Variants in TFEB observed in about 807,000 individuals in gnomAD.
The protein encoded by TFEB is transcription factor EB.
In TFEB, 12 loss-of-function variants were observed where a neutral mutation model predicts 48.0. That is an observed-to-expected ratio of 0.25 (90% CI 0.16 to 0.40). The LOEUF is 0.40. Ranked by LOEUF, TFEB falls within the 10% of genes least tolerant of loss-of-function variation. TFEB has a pLI of 1.00. For missense variants in TFEB, 509 were observed against 640.3 expected, an observed-to-expected ratio of 0.79 and a Z score of 2.21; for synonymous variants, 244 against 261.4, an observed-to-expected ratio of 0.93 and a Z score of 0.64.
At chr6:41,689,604 T>C in intron 4 of TFEB, 127 bp downstream of exon 4, 1 of 683,614 alleles carries the variant, frequency 1.5e-6, no homozygotes, top group South Asian at 1.8e-5. Flanking sequence ...AAATGACTCA[T>C]CTCTACAGAA....
At chr6:41,711,593 A>T (rs1770477234) in intron 1 of TFEB, among the ~76,000 whole-genome samples, 1 of 152,102 alleles carries the variant, frequency 6.6e-6, no homozygotes, top group Admixed American at 6.5e-5. Context: ...CTTTGCTAAG[A>T]GCGCTGAGGT....
In TFEB at chr6:41,734,370, C is replaced by A. The variant is rs1771581614; in HGVS notation, c.-23+980G>T. 3 of 984,766 alleles carry A rather than the reference C, an allele frequency of 3.0e-6. No individual in the cohort carries two copies. Among genetic ancestry groups the A allele is most frequent in the Admixed American group, 6.2e-5 (1 of 16,232 alleles). The allele number at this position is 984,766 out of a possible 1,614,324, so 61.0% of individuals were successfully genotyped here. On this transcript the variant is annotated intron_variant, in intron 1 of 8. Coordinates refer to ENST00000373033, the MANE Select transcript of TFEB (RefSeq NM_001271944.2). This position sits in a 1 kb window ranked among gnomAD's most constrained non-coding sequence, Gnocchi z 4.0. The stretch of plus-strand genomic sequence containing the variant: ...TGCGGCGCGAACCTGCTCGCGCAGC[C>A]CGGAGCAGCTCGGGGCAGCCGTGCG...
chr6:41,689,460 G>T (rs1180524758), intron 4 of TFEB, among the ~76,000 whole-genome samples: 1 of 152,122 alleles, frequency 6.6e-6, no homozygotes, highest in Non-Finnish European at 1.5e-5. Flanking sequence ...AACCTGGAAA[G>T]CTCCCCCCAC....
At chr6:41,731,387 A>G (rs747803625) in intron 1 of TFEB, among the ~76,000 whole-genome samples, 1 of 151,942 alleles carries the variant, frequency 6.6e-6, no homozygotes, top group Non-Finnish European at 1.5e-5. Flanking sequence ...CCCAAGAAAA[A>G]CTTCCTGGTT....
At chr6:41,729,433 G>C in intron 1 of TFEB, among the ~76,000 whole-genome samples, 1 of 152,200 alleles carries the variant, frequency 6.6e-6, no homozygotes, top group South Asian at 2.1e-4. Flanking sequence ...TCAAATACTT[G>C]CCCTCCATAG....
At position 41,690,800 on chromosome 6, in the gene TFEB, C is replaced by T. The variant is rs770182531; in HGVS notation, c.331G>A (p.Ala111Thr). ...GNKFAAHISP[A>T]QGSPKPPPAA... ...GGTGGGGGTTTCGGAGAGCCCTGGG[C>T]TGGGCTGATGTGGGCAGCAAACTTG... Residue 111 changes from alanine (A) to threonine (T), a missense_variant, in exon 3 of 9, where the codon GCC becomes ACC. Ala to Thr is a moderately conservative substitution (Grantham distance 58, BLOSUM62 0). Around this residue, in one of 4 missense-constraint regions of TFEB, gnomAD observed 251 missense variants for 317.2 expected, o/e 0.79. Coordinates refer to ENST00000373033, the MANE Select transcript of TFEB (RefSeq NM_001271944.2). The T allele has an allele frequency of 3.3e-5, 53 of 1,612,950 alleles. No homozygotes were observed. The highest frequency in any genetic ancestry group is 4.3e-5 in the Non-Finnish European group (51 of 1,179,568).
chr6:41,710,316 T>G (rs1442253106), intron 1 of TFEB, among the ~76,000 whole-genome samples: 7 of 152,118 alleles, frequency 4.6e-5, no homozygotes. Context: ...TACCCATCTC[T>G]CAGCAAGTCC....
intron 1 of TFEB, among the ~76,000 whole-genome samples, chr6:41,712,604 G>A (rs936027925): frequency 2.0e-5 from 3 of 152,144 alleles, no homozygotes; most frequent in African/African-American, 7.2e-5. Context: ...TTAATCACTA[G>A]TCCTCCCTCT....
chr6:41,735,574 C>G lies in TFEB; in HGVS notation c.-247G>C, dbSNP rs944307984. On this transcript the variant is annotated 5_prime_UTR_variant, in exon 1 of 9. Transcript: ENST00000373033. ...CGCCGCCTCCGCTGTCACCGAGCCC[C>G]GCGCCCGGCGCCCGGGCTCCGGCTG... 1 of 984,406 alleles carries G rather than the reference C, an allele frequency of 1.0e-6. No homozygotes were observed. The allele number at this position is 984,406 out of a possible 1,614,324, so 61.0% of individuals were successfully genotyped here.
chr6:41,700,509 C>T (rs1769858775), intron 1 of TFEB, among the ~76,000 whole-genome samples: 1 of 150,868 alleles, frequency 6.6e-6, no homozygotes, highest in East Asian at 2.0e-4. Flanking sequence ...GAATGAATTA[C>T]ATGAGGAAGC....
intron 1 of TFEB, among the ~76,000 whole-genome samples, chr6:41,697,234 CCTGT>C (rs1769636322): frequency 6.6e-6 from 1 of 151,630 alleles, no homozygotes; most frequent in South Asian, 2.1e-4. Flanking sequence ...ACGGTGAAAC[CCTGT>C]CTCTACTAAA....
At chr6:41,728,242 C>T (rs1253556031) in intron 1 of TFEB, among the ~76,000 whole-genome samples, 1 of 152,232 alleles carries the variant, frequency 6.6e-6, no homozygotes, top group Non-Finnish European at 1.5e-5. Flanking sequence ...TTCCCACCCG[C>T]CCTGCTTGGC....
chr6:41,733,646 G>T (rs550486494), intron 1 of TFEB: 3 of 985,422 alleles, frequency 3.0e-6, no homozygotes, highest in Non-Finnish European at 3.6e-6. Context: ...TGGGGTCACC[G>T]GCATGGTGAA....
chr6:41,715,462 G>A (rs1021717239), intron 1 of TFEB, among the ~76,000 whole-genome samples: 2 of 152,170 alleles, frequency 1.3e-5, no homozygotes, highest in African/African-American at 2.4e-5. Flanking sequence ...CTGAGGTCGG[G>A]AGTTCGAGAC....
intron 1 of TFEB, among the ~76,000 whole-genome samples, chr6:41,699,372 A>G (rs1222091246): frequency 6.6e-6 from 1 of 152,212 alleles, no homozygotes; most frequent in Non-Finnish European, 1.5e-5. Flanking sequence ...TCACACATAC[A>G]CACATACACA....
chr6:41,710,333 A>C (rs369916000), intron 1 of TFEB, among the ~76,000 whole-genome samples: 10 of 152,066 alleles, frequency 6.6e-5, no homozygotes, highest in African/African-American at 2.2e-4. Context: ...GTCCAACTCC[A>C]CCCAACTCCT....
At chr6:41,707,277 A>T (rs755807653) in intron 1 of TFEB, among the ~76,000 whole-genome samples, 1 of 152,112 alleles carries the variant, frequency 6.6e-6, no homozygotes, top group Non-Finnish European at 1.5e-5. Context: ...GAGTGGGGAG[A>T]TGATAGACTC....
rs1290401771 is a variant in TFEB at position 41,734,719 on chromosome 6, G to A, written c.-23+631C>T. On this transcript the variant is annotated intron_variant, in intron 1 of 8. Transcript: ENST00000373033. The surrounding 1 kb of genome is among the most constrained non-coding windows in gnomAD (Gnocchi z 4.0). Reference sequence around the variant, plus strand: ...GAAAGAGACTGCCCAGGGACTCGAGGGGACGGGGCCAGGGGCGGCTTCTTC... The same window carrying A: ...GAAAGAGACTGCCCAGGGACTCGAGAGGACGGGGCCAGGGGCGGCTTCTTC... Among the ~76,000 whole-genome samples the A allele has an allele frequency of 2.6e-5, 4 of 152,164 alleles. No homozygotes were observed. In the East Asian group the frequency reaches 7.8e-4, roughly 30 times the overall value.
intron 1 of TFEB, among the ~76,000 whole-genome samples, chr6:41,716,679 C>A (rs938218883): frequency 1.3e-5 from 2 of 152,192 alleles, no homozygotes; most frequent in Non-Finnish European, 2.9e-5. Context: ...CACCCCCACC[C>A]CCTTTAGTGC....
Sources: allele counts gnomAD v4.1 joint callset (sites outside exome capture counted in the v4.1 genomes callset), GRCh38; gene constraint gnomAD v4.1.1; regional missense constraint gnomAD v4.1.1; non-coding constraint Gnocchi (gnomAD v3.1); transcripts MANE v1.5; gene names NCBI Gene and HGNC (gene_info 2026-07-23, HGNC 2026-07-21).